The following TMF1 variants were observed in gnomAD, a reference collection of about 807,000 sequenced individuals.
TMF1 encodes TATA element modulatory factor.
In TMF1, 71 loss-of-function variants were observed where a neutral mutation model predicts 126.5. The observed-to-expected ratio is 0.56, with a 90% confidence interval of 0.46 to 0.68. The LOEUF (loss-of-function observed/expected upper bound fraction) is 0.68. TMF1 is among the 30% of genes least tolerant of loss of function. The probability of loss-of-function intolerance (pLI) is 0.00; values close to 1 mark genes in which losing one functional copy is unlikely to be tolerated. For synonymous variants in TMF1, 461 were observed against 430.5 expected (o/e 1.07, Z -0.88); for missense variants, 1,259 against 1,253.2 (o/e 1.00, Z -0.07).
Position 69,044,537 on chromosome 3 carries a change from C to A in TMF1, c.1406G>T (p.Ser469Ile). 1 of 1,608,268 alleles carries A rather than the reference C, an allele frequency of 6.2e-7. No individual in the cohort carries two copies. Among genetic ancestry groups the A allele is most frequent in the Non-Finnish European group, 8.5e-7 (1 of 1,178,354 alleles). ...TTCTTCTAGAAGTGCTTTTTCCTTA[C>A]TAAGAGATAATAACTGAGCCTCCCT... is the stretch of plus-strand genomic sequence containing the variant. ...EKREAQLLSLSKEKALLEEAF... is the reference protein window; with the variant it reads ...EKREAQLLSLIKEKALLEEAF... The change falls in exon 3 of 17, where the codon AGT becomes ATT. Residue 469 changes from serine (S) to isoleucine (I), a missense_variant. Physicochemically the swap from Ser to Ile is moderately radical, Grantham distance 142 (BLOSUM62 -2). Coordinates refer to ENST00000398559, the MANE Select transcript of TMF1 (RefSeq NM_007114.3).
At position 69,028,143 on chromosome 3, in the gene TMF1, CTT is replaced by C. The variant is rs979313130; in HGVS notation, c.2664+81_2664+82del. 11 of 1,277,196 alleles carry C rather than the reference CTT, an allele frequency of 8.6e-6. No homozygotes were observed. The African/African-American group carries it at 1.6e-4, about 19-fold the overall frequency. The allele number at this position is 1,277,196 out of a possible 1,614,324, so 79.1% of individuals were successfully genotyped here. A position where few individuals can be genotyped will look rare whatever the true frequency, so the allele number is the denominator to read the frequency against. On this transcript the variant is annotated intron_variant, in intron 12 of 16. Coordinates refer to ENST00000398559, the MANE Select transcript of TMF1 (RefSeq NM_007114.3). ...AAAGCAGTGGCATCACCCATTTCATCTTGTTATCTCATTAATTTGCTGCCATC... is the reference window on the plus strand; with the variant it reads ...AAAGCAGTGGCATCACCCATTTCATCGTTATCTCATTAATTTGCTGCCATC...
At chr3:69,044,369 A>T in intron 3 of TMF1, 123 bp downstream of exon 3, 1 of 571,800 alleles carries the variant, frequency 1.7e-6, no homozygotes, top group South Asian at 3.0e-5. Context: ...ATTGAAAGCT[A>T]TACAACTTTC....
At chr3:69,025,806 C>A (rs2091764331) in intron 14 of TMF1, 94 bp from the exon 15 acceptor site, 2 of 1,374,346 alleles carry the variant, frequency 1.5e-6, no homozygotes, top group Admixed American at 4.5e-5. Context: ...TCAATTTTTG[C>A]TTTAAATGTC....
At chr3:69,049,216 T>A (rs752930296) in intron 1 of TMF1, among the ~76,000 whole-genome samples, 4 of 152,100 alleles carry the variant, frequency 2.6e-5, no homozygotes, top group South Asian at 2.1e-4. Flanking sequence ...TACAAAAAAA[T>A]TTTTTTAATT....
chr3:69,040,652 T>C (rs1439791295), intron 5 of TMF1, among the ~76,000 whole-genome samples: 1 of 152,178 alleles, frequency 6.6e-6, no homozygotes, highest in Admixed American at 6.5e-5. Flanking sequence ...ACTGGCCGGG[T>C]GCAGTGGCTC....
intron 13 of TMF1, among the ~76,000 whole-genome samples, chr3:69,027,416 T>G (rs2091774519): frequency 6.6e-6 from 1 of 152,162 alleles, no homozygotes; most frequent in Admixed American, 6.5e-5. Flanking sequence ...ACAATTAAAT[T>G]CATTTTTAAA....
At chr3:69,025,765 C>A in intron 14 of TMF1, 53 bp from the exon 15 acceptor site, 3 of 1,560,004 alleles carry the variant, frequency 1.9e-6, no homozygotes, top group Non-Finnish European at 2.6e-6. Context: ...AGCTTGTCTT[C>A]CATTACCAGG....
chr3:69,050,864 C>A (rs950076873), intron 1 of TMF1, among the ~76,000 whole-genome samples: 8 of 152,202 alleles, frequency 5.3e-5, no homozygotes, highest in African/African-American at 1.9e-4. Context: ...TCACATCCCC[C>A]AACACCAGCA....
chr3:69,044,021 G>T, intron 3 of TMF1, 145 bp from the exon 4 acceptor site: 1 of 506,240 alleles, frequency 2.0e-6, no homozygotes, highest in Admixed American at 4.3e-5. Flanking sequence ...TAACTTTTAA[G>T]AAAAAAAAAG....
chr3:69,029,363 T>C (rs543866770), intron 11 of TMF1, among the ~76,000 whole-genome samples: 3 of 152,112 alleles, frequency 2.0e-5, no homozygotes, highest in African/African-American at 4.8e-5. Flanking sequence ...ACCCTAACTT[T>C]AAATGCTAAA....
At chr3:69,023,789 T>C (rs1367488994) in intron 16 of TMF1, among the ~76,000 whole-genome samples, 2 of 152,108 alleles carry the variant, frequency 1.3e-5, no homozygotes, top group Non-Finnish European at 2.9e-5. Context: ...ACTAAGATCA[T>C]ACAAAGTTCA....
At chr3:69,024,664 C>G (rs934404722) in intron 15 of TMF1, 2 of 152,150 alleles carry the variant, frequency 1.3e-5, no homozygotes, top group African/African-American at 4.8e-5. Flanking sequence ...TTTGCCAATT[C>G]AAGTTCTTTA....
chr3:69,023,731 A>C (rs1470682677), intron 16 of TMF1, among the ~76,000 whole-genome samples: 1 of 152,154 alleles, frequency 6.6e-6, no homozygotes, highest in African/African-American at 2.4e-5. Flanking sequence ...TCTAACATCC[A>C]GATGAGACAA....
At chr3:69,042,987 C>T (rs1470269224) in intron 4 of TMF1, 75 bp from the exon 5 acceptor site, 2 of 1,026,308 alleles carry the variant, frequency 1.9e-6, no homozygotes, top group Admixed American at 2.1e-5. Context: ...TCTCCCCCAT[C>T]CAAAGAAGCT....
Position 69,047,542 on chromosome 3 carries a change from G to T in TMF1, c.1163C>A (p.Thr388Asn). ...ACTTTCTTCCATTTCTGCTTCCTCA[G>T]TGGGTATAACTAATGTTTCATTTAC... Reference protein sequence around the residue: ...EEVNETLVIPTEEAEMEESGR... With the variant: ...EEVNETLVIPNEEAEMEESGR... The change falls in exon 2 of 17, where the codon ACT (threonine) becomes AAT (asparagine). Residue 388 changes from threonine to asparagine, a missense_variant. Thr to Asn is a moderately conservative substitution (Grantham distance 65). Transcript: ENST00000398559. 1 of 1,614,102 alleles carries T rather than the reference G, an allele frequency of 6.2e-7. No homozygotes were observed.
chr3:69,039,057 ATGGTAAATAAC>A, intron 6 of TMF1, 48 bp from the exon 7 acceptor site: 1 of 1,332,004 alleles, frequency 7.5e-7, no homozygotes, highest in Non-Finnish European at 1.0e-6. Flanking sequence ...AAATAATACC[ATGGTAAATAAC>A]TGTATTCCAG....
chr3:69,038,127 A>C (rs76969854), intron 8 of TMF1, among the ~76,000 whole-genome samples: 1 of 152,230 alleles, frequency 6.6e-6, no homozygotes, highest in Non-Finnish European at 1.5e-5. Flanking sequence ...TAATAACCAC[A>C]AAGTATAAAT....
chr3:69,031,828 G>A (rs2091804734), intron 10 of TMF1, among the ~76,000 whole-genome samples: 1 of 152,204 alleles, frequency 6.6e-6, no homozygotes, highest in South Asian at 2.1e-4. Flanking sequence ...CTATATGCTA[G>A]CACAATACCA....
chr3:69,024,192 T>C lies in TMF1; in HGVS notation c.3013-12A>G. ...TTGCCAATTTCTAGCTGAGAAGCAT[T>C]ACCACAAAATAGTTTAAATCAAAAC... is the stretch of plus-strand genomic sequence containing the variant. On this transcript the variant is annotated splice_polypyrimidine_tract_variant and intron_variant, in intron 15 of 16. Transcript: ENST00000398559. 6.3e-7 allele frequency: 1 copy of C among 1,589,178 alleles called. No individual in the cohort carries two copies. The highest frequency in any genetic ancestry group is 1.4e-5 in the African/African-American group (1 of 73,586).
Sources: gnomAD v4.1 joint callset for allele counts (sites outside exome capture counted in the v4.1 genomes callset) on GRCh38, gnomAD v4.1.1 for gene constraint, MANE v1.5 for transcripts, NCBI Gene and HGNC (gene_info 2026-07-23, HGNC 2026-07-21) for gene names.